The following MYO3B variants were observed in gnomAD, a reference collection of about 807,000 sequenced individuals.
The protein encoded by MYO3B is myosin-IIIb.
MYO3B carries 156 observed loss-of-function variants against 174.6 expected under a neutral mutation model. That is an observed-to-expected ratio of 0.89 (90% CI 0.78 to 1.02). The LOEUF (loss-of-function observed/expected upper bound fraction) is 1.02. Ranked by LOEUF, MYO3B falls within the 50% of genes least tolerant of loss-of-function variation. The pLI is 0.00. For missense variants in MYO3B, 1,632 were observed against 1,639.4 expected (o/e 1.00, Z 0.08); for synonymous variants, 563 against 569.1 (o/e 0.99, Z 0.15).
intron 9 of MYO3B, 78 bp downstream of exon 9, chr2:170,369,455 T>C: frequency 6.9e-7 from 1 of 1,444,962 alleles, no homozygotes; most frequent in Non-Finnish European, 9.5e-7. Context: ...TTGCCCAGCA[T>C]TATTACTGGT....
At chr2:170,275,204 T>G (rs1290484763) in intron 7 of MYO3B, among the ~76,000 whole-genome samples, 1 of 152,186 alleles carries the variant, frequency 6.6e-6, no homozygotes, top group African/African-American at 2.4e-5. Context: ...TCTCTCAGAC[T>G]TAAACATTGC....
rs113289077 is a variant in MYO3B, at chr2:170,534,904, GT to G, written c.3576-7996del. Among the ~76,000 whole-genome samples, 628 of 152,258 alleles carry G rather than the reference GT, an allele frequency of 4.1e-3. 6 individuals are homozygous for G. Among genetic ancestry groups the G allele is most frequent in the Middle Eastern group, 0.014 (4 of 294 alleles). ...ACCTCTACGTGCCATAACACATAGTGTTTTTTGCCCTTTAAGGACTTTTGAA... is the reference window on the plus strand; with the variant it reads ...ACCTCTACGTGCCATAACACATAGTGTTTTTGCCCTTTAAGGACTTTTGAA... On this transcript the variant is annotated intron_variant, in intron 30 of 34. Transcript: ENST00000408978.
chr2:170,453,453 C>CACACACACGA (rs749891550), intron 23 of MYO3B, among the ~76,000 whole-genome samples: 211 of 123,020 alleles, frequency 1.7e-3, no homozygotes, highest in African/African-American at 5.5e-3. Flanking sequence ...CACACACACA[C>CACACACACGA]GAGAGAGAGA....
intron 32 of MYO3B, among the ~76,000 whole-genome samples, chr2:170,597,550 C>T (rs1048880612): frequency 1.3e-5 from 2 of 152,000 alleles, no homozygotes; most frequent in Non-Finnish European, 2.9e-5. Flanking sequence ...TCTCAACCCT[C>T]CCATCAATTC....
rs142905335 is a variant in MYO3B at position 170,561,755 on chromosome 2, G to A, written c.3733+17767G>A. On this transcript the variant is annotated intron_variant, in intron 32 of 34. Transcript: ENST00000408978. Reference sequence around the variant, plus strand: ...CTTTTTTGGTTAGATGTCTCTTTGGGGGATATGTCTCTATAAATCATCAGA... The same window carrying A: ...CTTTTTTGGTTAGATGTCTCTTTGGAGGATATGTCTCTATAAATCATCAGA... 2.0e-5 allele frequency among the ~76,000 whole-genome samples: 3 copies of A among 152,154 alleles called. No homozygotes were observed. In the East Asian group the frequency reaches 5.8e-4, roughly 29 times the overall value.
At chr2:170,217,451 G>A in intron 6 of MYO3B, 56 bp downstream of exon 6, 1 of 1,401,214 alleles carries the variant, frequency 7.1e-7, no homozygotes, top group Non-Finnish European at 1.0e-6. Context: ...TTGGTACTAT[G>A]CCTTTTTATG....
At chr2:170,559,926 G>T (rs568589358) in intron 32 of MYO3B, among the ~76,000 whole-genome samples, 4 of 152,084 alleles carry the variant, frequency 2.6e-5, no homozygotes, top group Non-Finnish European at 5.9e-5. Flanking sequence ...GTGTGTGTTT[G>T]TCTGTGTGTG....
At chr2:170,416,522 C>CAAAAA in intron 22 of MYO3B, among the ~76,000 whole-genome samples, 1 of 60,116 alleles carries the variant, frequency 1.7e-5, no homozygotes. Flanking sequence ...GACTCCGTCT[C>CAAAAA]AAAAAAAAAA....
intron 23 of MYO3B, among the ~76,000 whole-genome samples, chr2:170,463,099 A>C (rs960503487): frequency 2.0e-5 from 3 of 152,246 alleles, no homozygotes; most frequent in Non-Finnish European, 2.9e-5. Context: ...ACAGGGGTTC[A>C]TTAGAAGATG....
At chr2:170,468,801 A>G (rs1575029372) in intron 25 of MYO3B, among the ~76,000 whole-genome samples, 1 of 152,150 alleles carries the variant, frequency 6.6e-6, no homozygotes, top group East Asian at 1.9e-4. Context: ...GTCTCTCAGA[A>G]TGTCTACAGA....
intron 32 of MYO3B, among the ~76,000 whole-genome samples, chr2:170,569,684 A>G (rs191090339): frequency 6.6e-6 from 1 of 152,006 alleles, no homozygotes; most frequent in Admixed American, 6.5e-5. Flanking sequence ...CAACATGGTG[A>G]AACCCCATTT....
At chr2:170,248,975 A>G (rs369835627) in intron 7 of MYO3B, among the ~76,000 whole-genome samples, 1 of 152,204 alleles carries the variant, frequency 6.6e-6, no homozygotes, top group Non-Finnish European at 1.5e-5. Flanking sequence ...ATTTTGAGCT[A>G]TCATTATTGT....
At chr2:170,400,338 T>G (rs2094466703) in intron 17 of MYO3B, 24 bp downstream of exon 17, 1 of 1,612,864 alleles carries the variant, frequency 6.2e-7, no homozygotes, top group African/African-American at 1.3e-5. Context: ...ATTTGTGGGC[T>G]GTGTTGTTGC....
At chr2:170,318,227 T>C (rs745685285) in intron 7 of MYO3B, among the ~76,000 whole-genome samples, 1 of 152,228 alleles carries the variant, frequency 6.6e-6, no homozygotes, top group Non-Finnish European at 1.5e-5. Flanking sequence ...CTGGACAGTT[T>C]ATATTCATCT....
At chr2:170,615,696 G>A (rs894798283) in intron 32 of MYO3B, among the ~76,000 whole-genome samples, 4 of 152,202 alleles carry the variant, frequency 2.6e-5, no homozygotes, top group African/African-American at 7.2e-5. Flanking sequence ...CAATGCAATG[G>A]GGCTCTCTCT....
chr2:170,571,110 AT>A (rs1692410829), intron 32 of MYO3B, among the ~76,000 whole-genome samples: 2 of 152,238 alleles, frequency 1.3e-5, no homozygotes, highest in Non-Finnish European at 1.5e-5. Flanking sequence ...GCAATGAGTA[AT>A]TTCCAAAGGA....
At chr2:170,597,168 C>T (rs752973682) in intron 32 of MYO3B, among the ~76,000 whole-genome samples, 8 of 151,976 alleles carry the variant, frequency 5.3e-5, no homozygotes, top group South Asian at 2.1e-4. Flanking sequence ...GACCCTGCCT[C>T]GAGAGCAGCC....
intron 22 of MYO3B, among the ~76,000 whole-genome samples, chr2:170,408,240 G>GC (rs1212211870): frequency 6.6e-6 from 1 of 152,178 alleles, no homozygotes; most frequent in Non-Finnish European, 1.5e-5. Context: ...CCAAGTTAAA[G>GC]GAGTGTGTTG....
At chr2:170,510,298 T>A (rs2355353) in intron 28 of MYO3B, among the ~76,000 whole-genome samples, 26,252 of 152,180 alleles carry the variant, frequency 0.17, 2,882 homozygotes, top group Middle Eastern at 0.29. Context: ...CCTTATTTTT[T>A]AAAATTCTAG....
Sources: allele counts gnomAD v4.1 joint callset (sites outside exome capture counted in the v4.1 genomes callset), GRCh38; gene constraint gnomAD v4.1.1; transcripts MANE v1.5; gene names NCBI Gene and HGNC (gene_info 2026-07-23, HGNC 2026-07-21).